CAPN13: variants seen among roughly 807,000 people sequenced by gnomAD.
CAPN13 encodes calpain 13.
In CAPN13, 90 loss-of-function variants were observed where a neutral mutation model predicts 98.4. That is an observed-to-expected ratio of 0.92 (90% CI 0.77 to 1.09). The LOEUF is 1.09. Ranked by LOEUF, CAPN13 falls within the 50% of genes least tolerant of loss-of-function variation. The pLI is 0.00. For missense variants in CAPN13, 887 were observed against 841.3 expected, an observed-to-expected ratio of 1.05 and a Z score of -0.67; for synonymous variants, 330 against 305.5, an observed-to-expected ratio of 1.08 and a Z score of -0.84.
intron 1 of CAPN13, among the ~76,000 whole-genome samples, chr2:30,805,818 A>C (rs1237274775): frequency 6.8e-6 from 1 of 146,598 alleles, no homozygotes; most frequent in Non-Finnish European, 1.5e-5. Flanking sequence ...TAGCTCACTG[A>C]AGCCTCAACC....
intron 22 of CAPN13, among the ~76,000 whole-genome samples, chr2:30,727,773 T>C (rs973964695): frequency 3.3e-5 from 5 of 152,114 alleles, no homozygotes; most frequent in Non-Finnish European, 5.9e-5. Flanking sequence ...ACAAATAGAA[T>C]TTCCGTATGA....
intron 22 of CAPN13, among the ~76,000 whole-genome samples, chr2:30,723,851 A>T (rs961643944): frequency 1.3e-5 from 2 of 151,204 alleles, no homozygotes; most frequent in African/African-American, 2.4e-5. Context: ...TAGTTTGCCT[A>T]TTTTTTTTTC....
chr2:30,729,050 T>C (rs55731992), intron 22 of CAPN13, among the ~76,000 whole-genome samples: 1 of 152,304 alleles, frequency 6.6e-6, no homozygotes, highest in South Asian at 2.1e-4. Flanking sequence ...AGGTTTAGTA[T>C]TCAGAAGACA....
intron 7 of CAPN13, 87 bp from the exon 8 acceptor site, chr2:30,758,224 A>C: frequency 1.0e-6 from 1 of 983,686 alleles, no homozygotes; most frequent in South Asian, 1.7e-5. Context: ...TTTACCTCCA[A>C]GGACCAATTT....
At chr2:30,789,713 C>A (rs908628793) in intron 1 of CAPN13, among the ~76,000 whole-genome samples, 1 of 152,178 alleles carries the variant, frequency 6.6e-6, no homozygotes, top group African/African-American at 2.4e-5. Flanking sequence ...TCCCAGAACA[C>A]GCAGCACAGT....
chr2:30,784,217 G>A (rs1024936842), intron 2 of CAPN13, among the ~76,000 whole-genome samples: 4 of 151,378 alleles, frequency 2.6e-5, no homozygotes, highest in Non-Finnish European at 5.9e-5. Flanking sequence ...TGAGAAGAAA[G>A]GCATTTTCTA....
At position 30,748,090 on chromosome 2, in the gene CAPN13, C is replaced by T. The variant is rs115830797; in HGVS notation, c.1237-2356G>A. The stretch of plus-strand genomic sequence containing the variant: ...AGAGCCTCAGAAGTTGCGTGTGTGC[C>T]GGGGCAGCTCTGATCCTTCTGTGGG... On this transcript the variant is annotated intron_variant, in intron 11 of 22. Transcript: ENST00000295055. Among the ~76,000 whole-genome samples, 376 of 152,306 alleles carry T rather than the reference C, an allele frequency of 2.5e-3. 1 individual carries two copies. Among genetic ancestry groups the T allele is most frequent in the Middle Eastern group, 0.017 (5 of 294 alleles).
At chr2:30,764,654 A>C (rs894997367) in intron 5 of CAPN13, among the ~76,000 whole-genome samples, 6 of 152,144 alleles carry the variant, frequency 3.9e-5, no homozygotes, top group Admixed American at 3.9e-4. Flanking sequence ...AATGAGCTTC[A>C]TGGGGCTATG....
At position 30,805,826 on chromosome 2, in the gene CAPN13, A is replaced by T. The variant is rs146327702; in HGVS notation, c.-33+1476T>A. 8.3e-4 allele frequency among the ~76,000 whole-genome samples: 123 copies of T among 148,276 alleles called. 1 individual carries two copies. Among genetic ancestry groups the T allele is most frequent in the African/African-American group, 2.7e-3 (107 of 39,712 alleles). ...ATGATCATAGCTCACTGAAGCCTCAACCTCCTGGGCTCAAGCAATCCTTTC... is the reference window on the plus strand; with the variant it reads ...ATGATCATAGCTCACTGAAGCCTCATCCTCCTGGGCTCAAGCAATCCTTTC... On this transcript the variant is annotated intron_variant, in intron 1 of 22. Coordinates refer to ENST00000295055, the MANE Select transcript of CAPN13 (RefSeq NM_144575.3).
chr2:30,782,453 T>C (rs1674034189), intron 2 of CAPN13, among the ~76,000 whole-genome samples: 1 of 152,232 alleles, frequency 6.6e-6, no homozygotes, highest in Admixed American at 6.5e-5. Flanking sequence ...CTTTCTGCCA[T>C]TTTTTGTTAC....
chr2:30,732,515 A>T lies in CAPN13; in HGVS notation c.1850T>A (p.Leu617His). The stretch of plus-strand genomic sequence containing the variant: ...CCTGCCGACGCTGTCGCTGTACCTG[A>T]GGGTCACCAGATGCAGCAGCTCACG... ...ISRELLHLVT[L>H]RYSDSVGRVS... Residue 617 changes from leucine (L) to histidine (H), a missense_variant, in exon 20 of 23, where the codon CTC (leucine) becomes CAC (histidine). Transcript: ENST00000295055. 1 of 1,612,094 alleles carries T rather than the reference A, an allele frequency of 6.2e-7. No individual in the cohort carries two copies. The highest frequency in any genetic ancestry group is 8.5e-7 in the Non-Finnish European group (1 of 1,179,178).
chr2:30,728,380 A>G (rs1670935381), intron 22 of CAPN13, among the ~76,000 whole-genome samples: 1 of 152,112 alleles, frequency 6.6e-6, no homozygotes, highest in East Asian at 1.9e-4. Flanking sequence ...AAGTGTGTTG[A>G]ATGTTATGAC....
chr2:30,781,478 T>G (rs1474577527), intron 2 of CAPN13, among the ~76,000 whole-genome samples: 1 of 152,152 alleles, frequency 6.6e-6, no homozygotes, highest in African/African-American at 2.4e-5. Flanking sequence ...CTTTAACATT[T>G]GAGTTGGGGG....
intron 5 of CAPN13, 61 bp from the exon 6 acceptor site, chr2:30,764,367 G>A: frequency 6.4e-7 from 1 of 1,556,120 alleles, no homozygotes; most frequent in Non-Finnish European, 8.8e-7. Flanking sequence ...TGGGAGGGGA[G>A]CTTGTGCACT....
rs1324298386 is a variant in CAPN13, at chr2:30,722,829, A to G, written c.*438T>C. On this transcript the variant is annotated 3_prime_UTR_variant, in exon 23 of 23. Coordinates refer to ENST00000295055, the MANE Select transcript of CAPN13 (RefSeq NM_144575.3). ...GCTGTGAAATCATCAGGATCCAGACATAAGATAGTGTAATTATTCTGCAAA... is the reference window on the plus strand; with the variant it reads ...GCTGTGAAATCATCAGGATCCAGACGTAAGATAGTGTAATTATTCTGCAAA... The G allele has an allele frequency of 6.6e-6, 1 of 152,256 alleles. No homozygotes were observed. Among genetic ancestry groups the G allele is most frequent in the African/African-American group, 2.4e-5 (1 of 41,468 alleles). The allele number at this position is 152,256 out of a possible 1,614,324, so 9.4% of individuals were successfully genotyped here. A position where few individuals can be genotyped will look rare whatever the true frequency, so the allele number is the denominator to read the frequency against.
chr2:30,760,072 C>A (rs1376005758), intron 7 of CAPN13, among the ~76,000 whole-genome samples: 2 of 147,732 alleles, frequency 1.4e-5, no homozygotes, highest in Non-Finnish European at 3.0e-5. Context: ...AGGCCTTGCA[C>A]GCCATTTATT....
chr2:30,793,732 A>C (rs1404058292), intron 1 of CAPN13, among the ~76,000 whole-genome samples: 2 of 151,908 alleles, frequency 1.3e-5, no homozygotes, highest in African/African-American at 4.8e-5. Context: ...ATATAGACAA[A>C]TAGATCAATG....
At chr2:30,763,872 C>A (rs1338373969) in intron 6 of CAPN13, among the ~76,000 whole-genome samples, 1 of 152,220 alleles carries the variant, frequency 6.6e-6, no homozygotes, top group Non-Finnish European at 1.5e-5. Context: ...ACTTGTCGAG[C>A]CACTTATGAG....
At chr2:30,736,650 G>A in intron 17 of CAPN13, 79 bp from the exon 18 acceptor site, 1 of 1,328,378 alleles carries the variant, frequency 7.5e-7, no homozygotes, top group Non-Finnish European at 1.1e-6. Flanking sequence ...AGCCAGAGCA[G>A]GCCCATTCAT....
Sources: gnomAD v4.1 joint callset for allele counts (sites outside exome capture counted in the v4.1 genomes callset) on GRCh38, gnomAD v4.1.1 for gene constraint, MANE v1.5 for transcripts, NCBI Gene and HGNC (gene_info 2026-07-23, HGNC 2026-07-21) for gene names.